CARM1: variants seen among roughly 807,000 people sequenced by gnomAD.
CARM1 encodes coactivator associated arginine methyltransferase 1, also known as histone-arginine methyltransferase CARM1.
In CARM1, 14 loss-of-function variants were observed where a neutral mutation model predicts 72.7. That is an observed-to-expected ratio of 0.19 (90% CI 0.13 to 0.30). The LOEUF (loss-of-function observed/expected upper bound fraction) is 0.30, where lower values mean the gene tolerates loss of function less well. Ranked by LOEUF, CARM1 falls within the 10% of genes least tolerant of loss-of-function variation. CARM1 has a pLI of 1.00. For missense variants in CARM1, 432 were observed against 833.7 expected, an observed-to-expected ratio of 0.52 and a Z score of 5.93; for synonymous variants, 333 against 345.5, an observed-to-expected ratio of 0.96 and a Z score of 0.40.
rs982891072 is a variant in CARM1 at position 10,922,543 on chromosome 19, T to A, written c.*786T>A. On this transcript the variant is annotated 3_prime_UTR_variant, in exon 16 of 16. Coordinates refer to ENST00000327064, the MANE Select transcript of CARM1 (RefSeq NM_199141.2). ...GGAGGGAAGGCCACTGCCGGCCACTTGGGGCAGACACAGACACCTCAAGGA... is the reference window on the plus strand; with the variant it reads ...GGAGGGAAGGCCACTGCCGGCCACTAGGGGCAGACACAGACACCTCAAGGA... 2.2e-5 allele frequency: 3 copies of A among 134,092 alleles called. No individual in the cohort carries two copies. The highest frequency in any genetic ancestry group is 8.4e-5 in the African/African-American group (3 of 35,514). The allele number at this position is 134,092 out of a possible 1,614,324, so 8.3% of individuals were successfully genotyped here. A position where few individuals can be genotyped will look rare whatever the true frequency, so the allele number is the denominator to read the frequency against.
rs761063033 is a variant in CARM1, at chr19:10,905,126, G to A, written c.346+50G>A. On this transcript the variant is annotated intron_variant, in intron 2 of 15. Transcript: ENST00000327064. ...GTGACACCAGCCCAAAGCGCCCAGA[G>A]CCCTGGTGGGCAGGGGCGTAGAGCC... 4.4e-6 allele frequency: 7 copies of A among 1,599,662 alleles called. No individual in the cohort carries two copies. In the East Asian group the frequency reaches 1.1e-4, roughly 26 times the overall value.
chr19:10,878,312 G>T (rs1255124778), intron 1 of CARM1, among the ~76,000 whole-genome samples: 1 of 152,192 alleles, frequency 6.6e-6, no homozygotes, highest in African/African-American at 2.4e-5. Flanking sequence ...GGGGAAGCTT[G>T]TAGACCCCTG....
chr19:10,885,818 C>G (rs1265063318), intron 1 of CARM1, among the ~76,000 whole-genome samples: 1 of 151,760 alleles, frequency 6.6e-6, no homozygotes, highest in Non-Finnish European at 1.5e-5. Flanking sequence ...TACTCCCGCT[C>G]ACACACTCCA....
At chr19:10,885,821 A>G (rs1378922727) in intron 1 of CARM1, among the ~76,000 whole-genome samples, 1 of 150,502 alleles carries the variant, frequency 6.6e-6, no homozygotes. Flanking sequence ...TCCCGCTCAC[A>G]CACTCCAAGT....
chr19:10,874,876 G>A (rs1370144691), intron 1 of CARM1, among the ~76,000 whole-genome samples: 1 of 152,128 alleles, frequency 6.6e-6, no homozygotes, highest in Non-Finnish European at 1.5e-5. Flanking sequence ...GCAAAAATTA[G>A]CCAGGTGTGG....
chr19:10,888,050 C>T (rs753031605), intron 1 of CARM1, among the ~76,000 whole-genome samples: 4 of 152,232 alleles, frequency 2.6e-5, no homozygotes, highest in Admixed American at 6.5e-5. Flanking sequence ...CTCCATGACA[C>T]GCCTCATTCA....
intron 8 of CARM1, among the ~76,000 whole-genome samples, chr19:10,918,617 C>T (rs2074216528): frequency 6.6e-6 from 1 of 152,180 alleles, no homozygotes; most frequent in Non-Finnish European, 1.5e-5. Flanking sequence ...CACAAGCGCA[C>T]TGAGTGTGCA....
Position 10,912,385 on chromosome 19 carries a change from G to C in CARM1, c.669+91G>C. ...TAGAGAAGCTTGGGAACCCCCAGGG[G>C]CCTGGGGACATTACTTCTGTGCTTT... On this transcript the variant is annotated intron_variant, in intron 5 of 15. Transcript: ENST00000327064. This position sits in a 1 kb window ranked among gnomAD's most constrained non-coding sequence, Gnocchi z 4.5. 3.3e-6 allele frequency: 3 copies of C among 897,124 alleles called. No homozygotes were observed. Among genetic ancestry groups the C allele is most frequent in the South Asian group, 1.3e-5 (1 of 76,034 alleles). 55.6% of individuals were successfully genotyped at this position (897,124 alleles called of 1,614,324 possible).
rs558286200 is a variant in CARM1 at position 10,878,420 on chromosome 19, T to C, written c.220+6498T>C. Among the ~76,000 whole-genome samples the C allele has an allele frequency of 1.3e-4, 20 of 152,284 alleles. No individual in the cohort carries two copies. The South Asian group carries it at 3.9e-3, about 30-fold the overall frequency. On this transcript the variant is annotated intron_variant, in intron 1 of 15. Transcript: ENST00000327064. ...AATCCTCAGGCCGAATAGAGCATAC[T>C]TCTGAATTGTGTGAGCCCCTTGTGC...
chr19:10,899,553 C>T (rs2074048753), intron 1 of CARM1, among the ~76,000 whole-genome samples: 1 of 152,036 alleles, frequency 6.6e-6, no homozygotes, highest in Non-Finnish European at 1.5e-5. Flanking sequence ...TGGCAGGGCT[C>T]AGGAGGTTCC....
In CARM1 at chr19:10,920,032, T is replaced by G; in HGVS notation, c.1196+66T>G. The G allele has an allele frequency of 7.9e-7, 1 of 1,259,410 alleles. No homozygotes were observed. The highest frequency in any genetic ancestry group is 1.2e-6 in the Non-Finnish European group (1 of 866,044). The allele number at this position is 1,259,410 out of a possible 1,614,324, so 78.0% of individuals were successfully genotyped here. ...CCCAGGGCTTCCTGCAGCTGCAACC[T>G]GGCTGGGGGGGTGGAACATGGCTCC... On this transcript the variant is annotated intron_variant, in intron 10 of 15. Transcript: ENST00000327064. The surrounding 1 kb of genome is among the most constrained non-coding windows in gnomAD (Gnocchi z 5.3).
At chr19:10,921,244 T>G in intron 14 of CARM1, 117 bp downstream of exon 14, 2 of 1,425,174 alleles carry the variant, frequency 1.4e-6, no homozygotes, top group Non-Finnish European at 2.0e-6. Context: ...CCTTTTCCTC[T>G]TCCTGGGGGC....
Position 10,912,332 on chromosome 19 carries a change from G to C in CARM1, c.669+38G>C. On this transcript the variant is annotated intron_variant, in intron 5 of 15. Coordinates refer to ENST00000327064, the MANE Select transcript of CARM1 (RefSeq NM_199141.2). This position sits in a 1 kb window ranked among gnomAD's most constrained non-coding sequence, Gnocchi z 4.5. ...CTGGTGCCCACCCAGCCTCGTCCTC[G>C]CCCATGAGTGCCATGCCGGCCCCAG... 1 of 1,450,852 alleles carries C rather than the reference G, an allele frequency of 6.9e-7. No homozygotes were observed. Among genetic ancestry groups the C allele is most frequent in the African/African-American group, 1.4e-5 (1 of 71,792 alleles). 89.9% of individuals were successfully genotyped at this position (1,450,852 alleles called of 1,614,324 possible).
At chr19:10,902,392 C>T (rs1452780260) in intron 1 of CARM1, among the ~76,000 whole-genome samples, 1 of 143,562 alleles carries the variant, frequency 7.0e-6, no homozygotes, top group African/African-American at 2.6e-5. Context: ...CTCCCGGGTT[C>T]ACACCATTCT....
At chr19:10,881,818 A>G (rs1204260898) in intron 1 of CARM1, among the ~76,000 whole-genome samples, 2 of 152,152 alleles carry the variant, frequency 1.3e-5, no homozygotes, top group African/African-American at 4.8e-5. Flanking sequence ...GGTCAGCAGA[A>G]ATTCACCAAG....
intron 1 of CARM1, among the ~76,000 whole-genome samples, chr19:10,903,553 T>G (rs2074081458): frequency 6.6e-6 from 1 of 151,742 alleles, no homozygotes. Flanking sequence ...CACTCACATT[T>G]CCCTAGTTGT....
chr19:10,901,013 A>C, intron 1 of CARM1, among the ~76,000 whole-genome samples: 1 of 122,264 alleles, frequency 8.2e-6, no homozygotes. Flanking sequence ...GCGGAGTCTC[A>C]CTCTGTTGCC....
chr19:10,886,993 C>T (rs1295638843), intron 1 of CARM1, among the ~76,000 whole-genome samples: 1 of 152,174 alleles, frequency 6.6e-6, no homozygotes, highest in Non-Finnish European at 1.5e-5. Flanking sequence ...GGGCCTCCTG[C>T]CTCGGTGTCC....
intron 1 of CARM1, among the ~76,000 whole-genome samples, chr19:10,879,444 C>T (rs1423718959): frequency 6.6e-6 from 1 of 152,118 alleles, no homozygotes. Flanking sequence ...ACCTTGGCCA[C>T]AGTGGGTAGG....
Sources: allele counts gnomAD v4.1 joint callset (sites outside exome capture counted in the v4.1 genomes callset), GRCh38; gene constraint gnomAD v4.1.1; non-coding constraint Gnocchi (gnomAD v3.1); transcripts MANE v1.5; gene names NCBI Gene and HGNC (gene_info 2026-07-23, HGNC 2026-07-21).